The following IQGAP3 variants were observed in gnomAD, a reference collection of about 807,000 sequenced individuals.
IQGAP3 encodes the protein IQ motif containing GTPase activating protein 3.
A neutral mutation model predicts 208.2 loss-of-function variants in IQGAP3; 165 were observed. The observed-to-expected ratio is 0.79, with a 90% confidence interval of 0.70 to 0.90. The LOEUF is 0.90. IQGAP3 is among the 40% of genes least tolerant of loss of function. The pLI, the probability that IQGAP3 is intolerant of heterozygous loss-of-function variation, is 0.00. For missense variants in IQGAP3, 1,811 were observed against 2,043.1 expected (o/e 0.89, Z 2.19); for synonymous variants, 703 against 803.6 (o/e 0.87, Z 2.12).
chr1:156,539,860 T>C lies in IQGAP3; in HGVS notation c.2870A>G (p.Gln957Arg), dbSNP rs1674889795. 1.2e-6 allele frequency: 2 copies of C among 1,614,080 alleles called. No homozygotes were observed. ...KEKRQKLEAY[Q>R]HLFYLLQTQP... ...AACCTGGAGCAGGTAGAAGAGGTGT[T>C]GGTATGCTTCTAGTTTCTGCCGTTT... Residue 957 changes from glutamine (Q) to arginine (R), a missense_variant, in exon 24 of 38, where the codon CAA becomes CGA. Transcript: ENST00000361170.
intron 1 of IQGAP3, 63 bp from the exon 2 acceptor site, chr1:156,569,526 GTCTT>G: frequency 5.3e-6 from 2 of 376,388 alleles, no homozygotes; most frequent in Admixed American, 6.2e-5. Context: ...GCACTGAAGG[GTCTT>G]TTTTTTTTTT....
At chr1:156,527,054 AAC>A (rs765631263) in intron 37 of IQGAP3, among the ~76,000 whole-genome samples, 1 of 150,324 alleles carries the variant, frequency 6.7e-6, no homozygotes, top group Non-Finnish European at 1.5e-5. Flanking sequence ...GCTGGTCTTG[AAC>A]TGCTGACCTC....
chr1:156,566,211 C>T, intron 3 of IQGAP3, 107 bp from the exon 4 acceptor site: 1 of 1,236,352 alleles, frequency 8.1e-7, no homozygotes, highest in Non-Finnish European at 1.2e-6. Context: ...CAGAGGGGAA[C>T]CAGAGGACCA....
chr1:156,538,839 T>C lies in IQGAP3; in HGVS notation c.3251A>G (p.Asn1084Ser). 1 of 1,614,180 alleles carries C rather than the reference T, an allele frequency of 6.2e-7. No individual in the cohort carries two copies. Among genetic ancestry groups the C allele is most frequent in the African/African-American group, 1.3e-5 (1 of 75,042 alleles). ...DPVHLYKNWI[N>S]QTEAQTGQRS... ...CTGCCCTGTCTGGGCCTCAGTCTGG[T>C]TGATCCAGTTCTTATAGAGGTGGAC... Residue 1084 changes from asparagine (N) to serine (S), a missense_variant, in exon 26 of 38, where the codon AAC becomes AGC. Physicochemically the swap from Asn to Ser is conservative, Grantham distance 46. Transcript: ENST00000361170.
Position 156,539,551 on chromosome 1 carries a change from GGGAGACA to G in IQGAP3, c.2893-21_2893-15del. 1.2e-6 allele frequency: 2 copies of G among 1,613,914 alleles called. No homozygotes were observed. The highest frequency in any genetic ancestry group is 2.2e-5 in the South Asian group (2 of 91,050). The stretch of plus-strand genomic sequence containing the variant: ...GATGGGCTGAGTCTGCAAGCAAGAG[GGGAGACA>G]GGAATGGCTGACCATGCACTTCAAG... On this transcript the variant is annotated splice_polypyrimidine_tract_variant and intron_variant, in intron 24 of 37. Transcript: ENST00000361170.
At chr1:156,538,598 C>CATTT (rs2102377500) in intron 26 of IQGAP3, among the ~76,000 whole-genome samples, 1 of 152,348 alleles carries the variant, frequency 6.6e-6, no homozygotes, top group South Asian at 2.1e-4. Flanking sequence ...GGTCTGAAGT[C>CATTT]ATTTACATCA....
intron 13 of IQGAP3, 113 bp downstream of exon 13, chr1:156,554,122 C>A: frequency 7.5e-7 from 1 of 1,339,340 alleles, no homozygotes; most frequent in South Asian, 1.4e-5. Context: ...GAGGGTGGGC[C>A]TGGGCCCAAG....
At chr1:156,559,525 C>T (rs1243224711) in intron 11 of IQGAP3, among the ~76,000 whole-genome samples, 1 of 152,212 alleles carries the variant, frequency 6.6e-6, no homozygotes, top group East Asian at 1.9e-4. Context: ...GTTAGAAGTC[C>T]ACCTCCCGCC....
chr1:156,530,147 G>C lies in IQGAP3; in HGVS notation c.4362C>G (p.Ser1454Arg). 1 of 1,609,438 alleles carries C rather than the reference G, an allele frequency of 6.2e-7. No homozygotes were observed. Among genetic ancestry groups the C allele is most frequent in the South Asian group, 1.1e-5 (1 of 89,874 alleles). ...CTAGCCCCTGGTAGCCATTTCTGGC[G>C]CTGACCAACCCCAGGGCTTCAAGTC... ...LRRLEALGLV[S>R]ARNGYQGLVD... is the part of the protein sequence containing the mutation. Residue 1454 changes from serine to arginine, a missense_variant, in exon 34 of 38, where the codon AGC (serine) becomes AGG (arginine). Transcript: ENST00000361170.
chr1:156,556,093 G>A (rs1675810007), intron 12 of IQGAP3, among the ~76,000 whole-genome samples: 2 of 152,192 alleles, frequency 1.3e-5, no homozygotes, highest in African/African-American at 2.4e-5. Flanking sequence ...ACCTTCAGGT[G>A]TATTCTAACT....
chr1:156,563,576 T>A lies in IQGAP3; in HGVS notation c.596A>T (p.Glu199Val). 1 of 1,613,630 alleles carries A rather than the reference T, an allele frequency of 6.2e-7. No individual in the cohort carries two copies. Among genetic ancestry groups the A allele is most frequent in the Non-Finnish European group, 8.5e-7 (1 of 1,179,874 alleles). Reference protein sequence around the residue: ...FSKIGGILANELSVDEAAVHA... With the variant: ...FSKIGGILANVLSVDEAAVHA... ...ACCTGCAGCCTCATCCACCGAGAGC[T>A]CATTGGCCAAGATGCCCCCGATCTT... The change falls in exon 7 of 38, where the codon GAG becomes GTG. Residue 199 changes from glutamate to valine, a missense_variant. Transcript: ENST00000361170.
At position 156,536,008 on chromosome 1, in the gene IQGAP3, C is replaced by A. The variant is rs115355749; in HGVS notation, c.3423-761G>T. The stretch of plus-strand genomic sequence containing the variant: ...ATTCCTATTATGGATGTGCCACCTA[C>A]AAATGTAATTAAATTCATTTAAAAG... On this transcript the variant is annotated intron_variant, in intron 27 of 37. Coordinates refer to ENST00000361170, the MANE Select transcript of IQGAP3 (RefSeq NM_178229.5). 2.6e-3 allele frequency among the ~76,000 whole-genome samples: 392 copies of A among 152,350 alleles called. 3 individuals carry two copies. The highest frequency in any genetic ancestry group is 8.9e-3 in the African/African-American group (372 of 41,566).
intron 2 of IQGAP3, 84 bp from the exon 3 acceptor site, chr1:156,566,630 C>A (rs1390854850): frequency 1.5e-6 from 2 of 1,344,544 alleles, no homozygotes; most frequent in Non-Finnish European, 2.1e-6. Context: ...TCTGTCCCTC[C>A]TTTTAAGTGG....
intron 16 of IQGAP3, among the ~76,000 whole-genome samples, chr1:156,549,106 CTTGAGCCCAGGAGT>C (rs1293909016): frequency 6.6e-6 from 1 of 152,156 alleles, no homozygotes; most frequent in Non-Finnish European, 1.5e-5. Flanking sequence ...AGGCAGATCA[CTTGAGCCCAGGAGT>C]TTGAGACTAG....
chr1:156,528,790 AG>A (rs1674237012), intron 35 of IQGAP3, 125 bp downstream of exon 35: 1 of 1,211,302 alleles, frequency 8.3e-7, no homozygotes, highest in African/African-American at 1.5e-5. Flanking sequence ...GACCAGACTT[AG>A]GAAGGGACTG....
intron 12 of IQGAP3, among the ~76,000 whole-genome samples, chr1:156,555,326 G>T (rs1675777854): frequency 6.6e-6 from 1 of 152,114 alleles, no homozygotes; most frequent in South Asian, 2.1e-4. Context: ...GGGTTCAAGT[G>T]ATCTCTGAGC....
intron 18 of IQGAP3, 28 bp downstream of exon 18, chr1:156,548,320 C>T (rs1675367249): frequency 6.2e-7 from 1 of 1,611,086 alleles, no homozygotes; most frequent in African/African-American, 1.3e-5. Context: ...TATCCAAGAT[C>T]CCCTACCCTT....
In IQGAP3 at chr1:156,563,173, G is replaced by T. The variant is rs201090739; in HGVS notation, c.759C>A (p.Ala253=). 1 of 1,610,950 alleles carries T rather than the reference G, an allele frequency of 6.2e-7. No individual in the cohort carries two copies. Among genetic ancestry groups the T allele is most frequent in the African/African-American group, 1.3e-5 (1 of 74,858 alleles). Residue 253 remains alanine (A), a synonymous_variant, in exon 8 of 38, where the codon GCC becomes GCA. Coordinates refer to ENST00000361170, the MANE Select transcript of IQGAP3 (RefSeq NM_178229.5). The part of the protein sequence containing the change: ...PLAAVYQEML[A]QAKMEKAANA... ...TGGCTGCCTTCTCCATCTTGGCCTG[G>T]GCCAGCATCTCTTGGTAGACGGCTG...
At chr1:156,551,089 G>C (rs927559558) in intron 15 of IQGAP3, among the ~76,000 whole-genome samples, 1 of 152,234 alleles carries the variant, frequency 6.6e-6, no homozygotes, top group Admixed American at 6.5e-5. Context: ...TTGGCACAGA[G>C]TAAGGACTCA....
Sources: gnomAD v4.1 joint callset for allele counts (sites outside exome capture counted in the v4.1 genomes callset) on GRCh38, gnomAD v4.1.1 for gene constraint, MANE v1.5 for transcripts, NCBI Gene and HGNC (gene_info 2026-07-23, HGNC 2026-07-21) for gene names.